OPHN1: variants seen among roughly 807,000 people sequenced by gnomAD.
OPHN1 encodes oligophrenin 1.
A neutral mutation model predicts 60.7 loss-of-function variants in OPHN1; 11 were observed. The ratio of observed to expected loss-of-function variants is 0.18; its 90% CI spans 0.11 to 0.30. The LOEUF is 0.30. Ranked by LOEUF, OPHN1 falls within the 10% of genes least tolerant of loss-of-function variation. OPHN1 has a pLI of 1.00. For synonymous variants in OPHN1, 226 were observed against 222.6 expected (o/e 1.02, Z -0.14); for missense variants, 449 against 611.0 (o/e 0.73, Z 2.80).
At chrX:68,288,060 C>T (rs2078053675) in intron 3 of OPHN1, among the ~76,000 whole-genome samples, 1 of 111,749 alleles carries the variant, frequency 8.9e-6, no homozygotes, top group Admixed American at 9.5e-5. Flanking sequence ...CCTATGAGTA[C>T]ATTTATTGCT....
At chrX:68,316,983 G>A (rs897849087) in intron 2 of OPHN1, among the ~76,000 whole-genome samples, 1 of 110,860 alleles carries the variant, frequency 9.0e-6, no homozygotes, top group African/African-American at 3.3e-5. Flanking sequence ...AATATTCTGT[G>A]GTCAGAATGA....
At chrX:68,335,982 C>T (rs1393140069) in intron 2 of OPHN1, among the ~76,000 whole-genome samples, 3 of 110,361 alleles carry the variant, frequency 2.7e-5, no homozygotes, top group Non-Finnish European at 5.7e-5. Context: ...GTTGCCTAGG[C>T]TCCACCCTCA....
chrX:68,229,639 C>T (rs1253552813), intron 6 of OPHN1, among the ~76,000 whole-genome samples: 1 of 111,639 alleles, frequency 9.0e-6, no homozygotes, highest in African/African-American at 3.3e-5. Context: ...CTTTGAGAAA[C>T]CTGACAAAAA....
intron 4 of OPHN1, among the ~76,000 whole-genome samples, chrX:68,279,414 A>G (rs1174284060): frequency 9.2e-6 from 1 of 109,091 alleles, no homozygotes; most frequent in Non-Finnish European, 1.9e-5. Context: ...CCCAGCCCCA[A>G]CAGTATACTT....
chrX:68,402,261 AAAGAAAGAAGGGGAG>A (rs2078718453), intron 2 of OPHN1, among the ~76,000 whole-genome samples: 2 of 108,863 alleles, frequency 1.8e-5, no homozygotes, highest in East Asian at 5.8e-4. Context: ...GAGAGGAAAG[AAAGAAAGAAGGGGAG>A]AAGAAAGAAG....
At position 68,433,170 on chromosome X, in the gene OPHN1, G is replaced by A; in HGVS notation, c.-7C>T. The A allele has an allele frequency of 1.8e-6, 1 of 569,939 alleles. No individual in the cohort carries two copies. Among genetic ancestry groups the A allele is most frequent in the Non-Finnish European group, 2.7e-6 (1 of 370,784 alleles). The allele number at this position is 569,939 out of a possible 1,213,427, so 47.0% of individuals were successfully genotyped here. ...CCGTCCCTTTGGAGGACAGGTACCT[G>A]TTTCAGTGAGACTCCTGAGGAGCGC... On this transcript the variant is annotated splice_region_variant and 5_prime_UTR_variant, in exon 1 of 25. Coordinates refer to ENST00000355520, the MANE Select transcript of OPHN1 (RefSeq NM_002547.3).
At chrX:68,426,327 G>A (rs1889543845) in intron 2 of OPHN1, among the ~76,000 whole-genome samples, 1 of 107,246 alleles carries the variant, frequency 9.3e-6, no homozygotes, top group Non-Finnish European at 1.9e-5. Context: ...TGTAATTCCA[G>A]CTACTTGGGA....
At chrX:68,120,943 T>A (rs1431146269) in intron 15 of OPHN1, among the ~76,000 whole-genome samples, 1 of 111,906 alleles carries the variant, frequency 8.9e-6, no homozygotes, top group African/African-American at 3.2e-5. Context: ...GATATCCTCA[T>A]ACGGAAGGAA....
At chrX:68,237,610 G>T (rs2077759032) in intron 5 of OPHN1, among the ~76,000 whole-genome samples, 2 of 111,907 alleles carry the variant, frequency 1.8e-5, no homozygotes, top group South Asian at 7.4e-4. Context: ...TAATCATTTT[G>T]ATTAAATCAG....
intron 2 of OPHN1, among the ~76,000 whole-genome samples, chrX:68,332,623 A>G (rs1455945098): frequency 9.0e-6 from 1 of 111,532 alleles, no homozygotes; most frequent in Non-Finnish European, 1.9e-5. Flanking sequence ...TTTGCTGAAT[A>G]CTGAGCCTTT....
At chrX:68,065,683 T>G (rs1170005963) in intron 20 of OPHN1, among the ~76,000 whole-genome samples, 1 of 111,887 alleles carries the variant, frequency 8.9e-6, no homozygotes, top group African/African-American at 3.3e-5. Context: ...AAAACGGGAA[T>G]AATAAAGAAT....
At chrX:68,375,163 A>G (rs370870047) in intron 2 of OPHN1, among the ~76,000 whole-genome samples, 17 of 112,467 alleles carry the variant, frequency 1.5e-4, no homozygotes, top group African/African-American at 5.5e-4. Context: ...AAAAACATAT[A>G]ATAATGTTTA....
chrX:68,218,366 T>G (rs1177837663), intron 6 of OPHN1, among the ~76,000 whole-genome samples: 1 of 98,251 alleles, frequency 1.0e-5, no homozygotes, highest in Non-Finnish European at 2.1e-5. Context: ...CAGGATATTA[T>G]CCAAGAGAAA....
chrX:68,334,531 C>T (rs2078312505), intron 2 of OPHN1, among the ~76,000 whole-genome samples: 1 of 111,670 alleles, frequency 9.0e-6, no homozygotes, highest in Non-Finnish European at 1.9e-5. Context: ...ATTTTGATAT[C>T]GATGAATTTC....
At chrX:68,304,391 T>C (rs1163791892) in intron 2 of OPHN1, among the ~76,000 whole-genome samples, 3 of 111,175 alleles carry the variant, frequency 2.7e-5, no homozygotes, top group Non-Finnish European at 3.8e-5. Flanking sequence ...TCACTAGTTT[T>C]AATTTGCATT....
intron 16 of OPHN1, among the ~76,000 whole-genome samples, chrX:68,114,861 G>T (rs910730720): frequency 1.6e-4 from 18 of 111,814 alleles, no homozygotes; most frequent in Non-Finnish European, 3.4e-4. Flanking sequence ...GAGCAGTTTG[G>T]TTTGGGTGAG....
At chrX:68,309,959 A>G (rs2078165067) in intron 2 of OPHN1, among the ~76,000 whole-genome samples, 1 of 112,002 alleles carries the variant, frequency 8.9e-6, no homozygotes, top group South Asian at 3.7e-4. Flanking sequence ...CATGAATTCA[A>G]TGTTAATGAA....
At chrX:68,077,310 C>G (rs755380614) in intron 19 of OPHN1, among the ~76,000 whole-genome samples, 1 of 110,942 alleles carries the variant, frequency 9.0e-6, no homozygotes, top group African/African-American at 3.3e-5. Flanking sequence ...TTTAAATAGG[C>G]AAGACCTCTG....
chrX:68,190,706 TAA>T (rs2077484324), intron 15 of OPHN1, among the ~76,000 whole-genome samples: 1 of 111,991 alleles, frequency 8.9e-6, no homozygotes, highest in South Asian at 3.7e-4. Flanking sequence ...ACAACAGATA[TAA>T]GAGTGATACT....
Sources: allele counts gnomAD v4.1 joint callset (sites outside exome capture counted in the v4.1 genomes callset), GRCh38; gene constraint gnomAD v4.1.1; transcripts MANE v1.5; gene names NCBI Gene and HGNC (gene_info 2026-07-23, HGNC 2026-07-21).